Variants in TENM2 observed in about 807,000 individuals in gnomAD.
TENM2 encodes teneurin-2.
TENM2 carries 52 observed loss-of-function variants against 245.2 expected under a neutral mutation model. The ratio of observed to expected loss-of-function variants is 0.21; its 90% CI spans 0.17 to 0.27. The LOEUF is 0.27. Among genes scored for constraint, TENM2 ranks in the 10% least tolerant of loss-of-function variants. The probability of loss-of-function intolerance (pLI) is 1.00; values close to 1 mark genes in which losing one functional copy is unlikely to be tolerated. For synonymous variants in TENM2, 1,363 were observed against 1,438.9 expected (o/e 0.95, Z 1.19); for missense variants, 3,046 against 3,666.8 (o/e 0.83, Z 4.37).
intron 2 of TENM2, among the ~76,000 whole-genome samples, chr5:167,807,917 T>A (rs1451002211): frequency 1.3e-5 from 2 of 152,154 alleles, no homozygotes; most frequent in Non-Finnish European, 2.9e-5. Flanking sequence ...GGCAACTGTG[T>A]TTTTTAAAGA....
the TENM2 span, among the ~76,000 whole-genome samples, chr5:167,025,566 C>T: frequency 6.6e-6 from 1 of 152,156 alleles, no homozygotes; most frequent in African/African-American, 2.4e-5. Flanking sequence ...CCAGTGCCTA[C>T]CCTGTTGGGC....
At chr5:168,158,850 TACACAC>T (rs764713880) in intron 12 of TENM2, among the ~76,000 whole-genome samples, 1 of 62,338 alleles carries the variant, frequency 1.6e-5, no homozygotes, top group South Asian at 4.5e-4. Flanking sequence ...TATATATATA[TACACAC>T]ACACACACAC....
chr5:167,090,561 TAA>T, the TENM2 span, among the ~76,000 whole-genome samples: 1 of 152,244 alleles, frequency 6.6e-6, no homozygotes, highest in Non-Finnish European at 1.5e-5. Context: ...ATTCGCTATG[TAA>T]CACAAATAGA....
intron 2 of TENM2, among the ~76,000 whole-genome samples, chr5:167,555,599 G>C (rs528719551): frequency 6.6e-6 from 1 of 152,240 alleles, no homozygotes; most frequent in African/African-American, 2.4e-5. Flanking sequence ...GAAGTCGCTA[G>C]CTTGTGTCAC....
At chr5:167,379,017 G>T (rs1760938602) in intron 2 of TENM2, among the ~76,000 whole-genome samples, 1 of 152,078 alleles carries the variant, frequency 6.6e-6, no homozygotes, top group Non-Finnish European at 1.5e-5. Flanking sequence ...TCTGGTGTTG[G>T]TTAAACATTT....
At chr5:167,312,572 G>A (rs2127756625) in intron 1 of TENM2, among the ~76,000 whole-genome samples, 1 of 152,150 alleles carries the variant, frequency 6.6e-6, no homozygotes, top group Middle Eastern at 3.4e-3. Flanking sequence ...TTCCTAGGGA[G>A]GGCTGTATCA....
At chr5:167,851,430 C>T (rs537643510) in intron 2 of TENM2, among the ~76,000 whole-genome samples, 11 of 152,168 alleles carry the variant, frequency 7.2e-5, no homozygotes, top group East Asian at 3.9e-4. Context: ...AGATTTTTCA[C>T]GGTTTCATGC....
chr5:167,601,671 C>A (rs895661361), intron 2 of TENM2, among the ~76,000 whole-genome samples: 2 of 152,098 alleles, frequency 1.3e-5, no homozygotes, highest in African/African-American at 4.8e-5. Flanking sequence ...GAATACTGTA[C>A]CTGGTTGGGA....
At chr5:167,390,801 T>C (rs1761706934) in intron 2 of TENM2, among the ~76,000 whole-genome samples, 1 of 152,190 alleles carries the variant, frequency 6.6e-6, no homozygotes, top group Admixed American at 6.5e-5. Flanking sequence ...CCATTTCCAC[T>C]GATACACATT....
At chr5:167,712,000 T>C (rs1758942310) in intron 2 of TENM2, among the ~76,000 whole-genome samples, 1 of 152,206 alleles carries the variant, frequency 6.6e-6, no homozygotes, top group Admixed American at 6.5e-5. Context: ...TTAATCCTTA[T>C]CATATCTATG....
chr5:168,145,681 A>G (rs1755998216), intron 12 of TENM2, among the ~76,000 whole-genome samples: 1 of 152,092 alleles, frequency 6.6e-6, no homozygotes, highest in Non-Finnish European at 1.5e-5. Context: ...TTGGTTCCAT[A>G]TGAACTTTAA....
chr5:168,225,709 G>A lies in TENM2; in HGVS notation c.5109-379G>A, dbSNP rs960230182. On this transcript the variant is annotated intron_variant, in intron 23 of 28. Coordinates refer to ENST00000518659, the Ensembl canonical transcript of TENM2. ...CCAGGAGGTGGAGGTTGCAGTGAGC[G>A]GAGATTGTGCCACTGCACTCCAGCC... Among the ~76,000 whole-genome samples the A allele has an allele frequency of 2.3e-4, 35 of 150,954 alleles. 1 individual carries two copies. The highest frequency in any genetic ancestry group is 1.8e-3 in the East Asian group (9 of 5,124).
At chr5:167,732,362 T>G (rs2150561371) in intron 2 of TENM2, among the ~76,000 whole-genome samples, 1 of 152,318 alleles carries the variant, frequency 6.6e-6, no homozygotes, top group Non-Finnish European at 1.5e-5. Context: ...TATGTAAAAC[T>G]TAAGTGCATC....
chr5:167,179,290 G>A, the TENM2 span, among the ~76,000 whole-genome samples: 12 of 152,288 alleles, frequency 7.9e-5, no homozygotes, highest in Admixed American at 2.0e-4. Context: ...AAAATTGGCC[G>A]TGAGGTACCT....
At chr5:167,718,187 A>G (rs1759394050) in intron 2 of TENM2, among the ~76,000 whole-genome samples, 1 of 152,170 alleles carries the variant, frequency 6.6e-6, no homozygotes, top group Admixed American at 6.5e-5. Flanking sequence ...CTATCACCCA[A>G]TTTATTTTTG....
At chr5:168,104,003 G>GGTTT (rs61381928) in intron 9 of TENM2, among the ~76,000 whole-genome samples, 17,742 of 149,918 alleles carry the variant, frequency 0.12, 1,083 homozygotes, top group East Asian at 0.25. Flanking sequence ...TTTCTTTTCT[G>GGTTT]GTTTGTTTGT....
At chr5:167,073,711 G>T in the TENM2 span, among the ~76,000 whole-genome samples, 91 of 152,088 alleles carry the variant, frequency 6.0e-4, no homozygotes, top group African/African-American at 2.1e-3. Flanking sequence ...AATAAACTGT[G>T]CTGGTTGTGA....
intron 2 of TENM2, among the ~76,000 whole-genome samples, chr5:167,719,953 C>A (rs1195375443): frequency 6.6e-6 from 1 of 151,948 alleles, no homozygotes; most frequent in Non-Finnish European, 1.5e-5. Context: ...CTGCACTCCA[C>A]TGCATGCAAA....
chr5:167,806,783 T>G (rs937770685), intron 2 of TENM2, among the ~76,000 whole-genome samples: 1 of 152,014 alleles, frequency 6.6e-6, no homozygotes, highest in Non-Finnish European at 1.5e-5. Context: ...GAATACATAT[T>G]AAAATGAGTC....
Sources: gnomAD v4.1 joint callset for allele counts (sites outside exome capture counted in the v4.1 genomes callset) on GRCh38, gnomAD v4.1.1 for gene constraint, MANE v1.5 for transcripts, NCBI Gene and HGNC (gene_info 2026-07-23, HGNC 2026-07-21) for gene names.